The following FLRT2 variants were observed in gnomAD, a reference collection of about 807,000 sequenced individuals.
FLRT2 encodes the protein fibronectin leucine rich transmembrane protein 2.
A neutral mutation model predicts 40.0 loss-of-function variants in FLRT2; 15 were observed. The observed-to-expected ratio is 0.38, with a 90% CI of 0.25 to 0.58. The LOEUF (loss-of-function observed/expected upper bound fraction) is 0.58, where lower values mean the gene tolerates loss of function less well. Among genes scored for constraint, FLRT2 ranks in the 20% least tolerant of loss-of-function variants. The pLI, the probability that FLRT2 is intolerant of heterozygous loss-of-function variation, is 0.71. For missense variants in FLRT2, 726 were observed against 840.0 expected (o/e 0.86, Z 1.68); for synonymous variants, 380 against 336.8 (o/e 1.13, Z -1.41).
Position 85,622,755 on chromosome 14 carries a change from G to A in FLRT2, c.1241G>A (p.Arg414Lys). The A allele has an allele frequency of 6.2e-7, 1 of 1,614,102 alleles. No individual in the cohort carries two copies. The highest frequency in any genetic ancestry group is 1.1e-5 in the South Asian group (1 of 91,066). ...CCCACGATTCCTGACTGGGATGGCA[G>A]AGAAAGAGTGACCCCACCTATTTCT... is the stretch of plus-strand genomic sequence containing the variant. ...KLPTIPDWDGRERVTPPISER... is the reference protein window; with the variant it reads ...KLPTIPDWDGKERVTPPISER... The change falls in exon 2 of 2, where the codon AGA becomes AAA. Residue 414 changes from arginine (R) to lysine (K), a missense_variant. Physicochemically the swap from Arg to Lys is conservative, Grantham distance 26. Coordinates refer to ENST00000330753, the MANE Select transcript of FLRT2 (RefSeq NM_013231.6).
rs1259062262 is a variant in FLRT2 at position 85,623,317 on chromosome 14, G to A, written c.1803G>A (p.Glu601=). 1 of 1,516,254 alleles carries A rather than the reference G, an allele frequency of 6.6e-7. No homozygotes were observed. The highest frequency in any genetic ancestry group is 1.4e-5 in the African/African-American group (1 of 71,676). The allele number at this position is 1,516,254 out of a possible 1,614,324, so 93.9% of individuals were successfully genotyped here. The change falls in exon 2 of 2, where the codon GAG becomes GAA. Residue 601 remains glutamate, a synonymous_variant. Transcript: ENST00000330753. The part of the protein sequence containing the change: ...AGTKKDNSIL[E]MTETSFQIVS... The stretch of plus-strand genomic sequence containing the variant: ...CCAAGAAGGACAACTCCATCCTGGA[G>A]ATGACAGAAACCAGTTTTCAGATCG...
Position 85,633,162 on chromosome 14 carries a change from C to T in FLRT2, c.*9665C>T, listed in dbSNP as rs1329554817. 4 of 152,092 alleles carry T rather than the reference C, an allele frequency of 2.6e-5. No homozygotes were observed. Among genetic ancestry groups the T allele is most frequent in the Admixed American group, 2.6e-4 (4 of 15,272 alleles). 9.4% of individuals were successfully genotyped at this position (152,092 alleles called of 1,614,324 possible). A position where few individuals can be genotyped will look rare whatever the true frequency, so the allele number is the denominator to read the frequency against. On this transcript the variant is annotated 3_prime_UTR_variant, in exon 2 of 2. Transcript: ENST00000330753. ...TAAAGGTAATTAGCATTCAAAATTC[C>T]TCAAAACACTCAATAATTTGCACAG...
chr14:85,593,136 T>A (rs1023394922), intron 1 of FLRT2, among the ~76,000 whole-genome samples: 2 of 152,210 alleles, frequency 1.3e-5, no homozygotes, highest in Admixed American at 6.5e-5. Flanking sequence ...TACTGTTTTT[T>A]AAGAACATTT....
chr14:85,534,982 G>A (rs1888559272), intron 1 of FLRT2, among the ~76,000 whole-genome samples: 1 of 152,144 alleles, frequency 6.6e-6, no homozygotes, highest in Admixed American at 6.5e-5. Context: ...AAGAGCTTTT[G>A]ATTAATTTTA....
intron 1 of FLRT2, among the ~76,000 whole-genome samples, chr14:85,551,539 T>A (rs1889618906): frequency 6.6e-6 from 1 of 152,242 alleles, no homozygotes; most frequent in Non-Finnish European, 1.5e-5. Flanking sequence ...TTTATTGTTG[T>A]GGCTATGATG....
chr14:85,596,906 GA>G (rs943222993), intron 1 of FLRT2, among the ~76,000 whole-genome samples: 2 of 152,164 alleles, frequency 1.3e-5, no homozygotes, highest in African/African-American at 4.8e-5. Flanking sequence ...ATTTAAAAAT[GA>G]TAGAGTTTTC....
intron 1 of FLRT2, among the ~76,000 whole-genome samples, chr14:85,588,791 G>A (rs1891755004): frequency 6.6e-6 from 1 of 151,880 alleles, no homozygotes; most frequent in Non-Finnish European, 1.5e-5. Flanking sequence ...CCAGCCTCTG[G>A]TAACCATCTT....
chr14:85,620,974 C>A (rs1566760847), intron 1 of FLRT2, among the ~76,000 whole-genome samples, 165 bp from the exon 2 acceptor site: 1 of 152,198 alleles, frequency 6.6e-6, no homozygotes, highest in Non-Finnish European at 1.5e-5. Context: ...TTCTTGAATA[C>A]CTTTTCAAGT....
At chr14:85,598,063 A>G (rs1012032401) in intron 1 of FLRT2, among the ~76,000 whole-genome samples, 10 of 152,078 alleles carry the variant, frequency 6.6e-5, no homozygotes, top group Admixed American at 5.9e-4. Flanking sequence ...CAGTTGTTTC[A>G]CTCAAAACTG....
rs1425630105 is a variant in FLRT2, at chr14:85,625,483, G to GT, written c.*1987dup. The stretch of plus-strand genomic sequence containing the variant: ...ATAAGCAGAAAATATAACTGCAGCT[G>GT]TATGTCGTAGACACAAGAATTGAAA... On this transcript the variant is annotated 3_prime_UTR_variant, in exon 2 of 2. Coordinates refer to ENST00000330753, the MANE Select transcript of FLRT2 (RefSeq NM_013231.6). 1.2e-5 allele frequency: 2 copies of GT among 166,968 alleles called. No individual in the cohort carries two copies. The highest frequency in any genetic ancestry group is 1.3e-4 in the Admixed American group (2 of 15,284). The allele number at this position is 166,968 out of a possible 1,614,324, so 10.3% of individuals were successfully genotyped here.
chr14:85,602,573 T>C (rs1892424753), intron 1 of FLRT2, among the ~76,000 whole-genome samples: 1 of 152,230 alleles, frequency 6.6e-6, no homozygotes, highest in African/African-American at 2.4e-5. Context: ...TGGAGTTCTA[T>C]GCTCAGCACA....
chr14:85,650,770 T>C lies in FLRT2; in HGVS notation c.*27273T>C, dbSNP rs1894412860. 6.6e-6 allele frequency: 1 copy of C among 152,038 alleles called. No homozygotes were observed. The highest frequency in any genetic ancestry group is 2.1e-4 in the South Asian group (1 of 4,828). 9.4% of individuals were successfully genotyped at this position (152,038 alleles called of 1,614,324 possible). On this transcript the variant is annotated 3_prime_UTR_variant, in exon 2 of 2. Transcript: ENST00000330753. ...TCATGATTTTCTTCATTTTTTCTCT[T>C]ACTGGTTCATATTCTCTATACATGC...
At chr14:85,535,998 C>T (rs1336873670) in intron 1 of FLRT2, among the ~76,000 whole-genome samples, 1 of 138,630 alleles carries the variant, frequency 7.2e-6, no homozygotes, top group Non-Finnish European at 1.5e-5. Flanking sequence ...TTAGAAATTC[C>T]AGGGGATGCT....
intron 1 of FLRT2, among the ~76,000 whole-genome samples, chr14:85,558,865 A>G (rs1211506216): frequency 6.6e-6 from 1 of 152,266 alleles, no homozygotes; most frequent in Admixed American, 6.5e-5. Flanking sequence ...AGAGCAGATA[A>G]TAACCTTCGG....
intron 1 of FLRT2, among the ~76,000 whole-genome samples, chr14:85,615,776 G>A (rs12432364): frequency 0.26 from 17,558 of 67,326 alleles, 1,317 homozygotes; most frequent in South Asian, 0.32. Context: ...GCACTGTGCT[G>A]CCTTGTCACA....
rs1555373579 is a variant in FLRT2 at position 85,643,354 on chromosome 14, T to TCTTTCTTTCTTTCTTTTC, written c.*19860_*19861insTCTTTCTTTCTTTTCCTT. Reference sequence around the variant, plus strand: ...TTCTTTCTTTCTTTCTTTCTTTCTTTCTTCCTTCCTTCCTTCCTTCCTTTC... The same window carrying TCTTTCTTTCTTTCTTTTC: ...TTCTTTCTTTCTTTCTTTCTTTCTTTCTTTCTTTCTTTCTTTTCCTTCCTTCCTTCCTTCCTTCCTTTC... On this transcript the variant is annotated 3_prime_UTR_variant, in exon 2 of 2. Transcript: ENST00000330753. The TCTTTCTTTCTTTCTTTTC allele has an allele frequency of 8.7e-5, 4 of 46,074 alleles. No individual in the cohort carries two copies. Among genetic ancestry groups the TCTTTCTTTCTTTCTTTTC allele is most frequent in the East Asian group, 6.4e-4 (1 of 1,568 alleles). 2.9% of individuals were successfully genotyped at this position (46,074 alleles called of 1,614,324 possible). A position where few individuals can be genotyped will look rare whatever the true frequency, so the allele number is the denominator to read the frequency against.
chr14:85,590,021 G>A (rs113209914), intron 1 of FLRT2, among the ~76,000 whole-genome samples: 50 of 150,940 alleles, frequency 3.3e-4, no homozygotes, highest in South Asian at 1.3e-3. Flanking sequence ...TAATTTGAGG[G>A]TAATGTGATT....
In FLRT2 at chr14:85,631,112, T is replaced by TTATATATATATATATATATATATA. The variant is rs66700454; in HGVS notation, c.*7632_*7633insATATATATATATATATATATATAT. 0.023 allele frequency: 2,140 copies of TTATATATATATATATATATATATA among 91,570 alleles called. 154 individuals carry two copies. Among genetic ancestry groups the TTATATATATATATATATATATATA allele is most frequent in the South Asian group, 0.033 (104 of 3,122 alleles). 5.7% of individuals were successfully genotyped at this position (91,570 alleles called of 1,614,324 possible). A position where few individuals can be genotyped will look rare whatever the true frequency, so the allele number is the denominator to read the frequency against. ...TATAATTACATATATAATCTAGATTTTATATATATATATATATGAAATGAG... is the reference window on the plus strand; with the variant it reads ...TATAATTACATATATAATCTAGATTTTATATATATATATATATATATATATATATATATATATATATGAAATGAG... On this transcript the variant is annotated 3_prime_UTR_variant, in exon 2 of 2. Transcript: ENST00000330753.
chr14:85,531,342 CA>C (rs1888260611), intron 1 of FLRT2: 1 of 152,480 alleles, frequency 6.6e-6, no homozygotes, highest in Non-Finnish European at 1.5e-5. Context: ...CAGCTGTTAC[CA>C]AGTCTCTCCA....
Sources: allele counts gnomAD v4.1 joint callset (sites outside exome capture counted in the v4.1 genomes callset), GRCh38; gene constraint gnomAD v4.1.1; transcripts MANE v1.5; gene names NCBI Gene and HGNC (gene_info 2026-07-23, HGNC 2026-07-21).